Variants in MAPK10 observed in about 807,000 individuals in gnomAD.
The protein encoded by MAPK10 is JNK3 alpha protein kinase.
Under a neutral mutation model 59.3 loss-of-function variants are expected in MAPK10, and 25 were observed. That is an observed-to-expected ratio of 0.42 (90% CI 0.31 to 0.59). MAPK10 has a LOEUF of 0.59. Among genes scored for constraint, MAPK10 ranks in the 20% least tolerant of loss-of-function variants. The pLI, the probability that MAPK10 is intolerant of heterozygous loss-of-function variation, is 0.15. For synonymous variants in MAPK10, 190 were observed against 200.5 expected, an observed-to-expected ratio of 0.95 and a Z score of 0.44; for missense variants, 351 against 568.9, an observed-to-expected ratio of 0.62 and a Z score of 3.90.
intron 1 of MAPK10, chr4:86,429,635 T>C (rs2149039712): frequency 6.6e-6 from 1 of 151,966 alleles, no homozygotes. Context: ...AAACCCCACC[T>C]CTACAAAAAA....
At chr4:86,032,358 T>G (rs1578841999) in intron 11 of MAPK10, 1 of 150,264 alleles carries the variant, frequency 6.7e-6, no homozygotes, top group Admixed American at 6.6e-5. Context: ...AAAAAAAGGC[T>G]CTTGGAAAAA....
Position 86,012,934 on chromosome 4 carries a change from T to C in MAPK10, c.*4294A>G, listed in dbSNP as rs1741816144. ...ATTGGTAATAGTCTTTGGAGTCCAA[T>C]CATGCAGAAAAACAGGCAGGTGCAA... On this transcript the variant is annotated 3_prime_UTR_variant, in exon 14 of 14. Coordinates refer to ENST00000641462, the MANE Select transcript of MAPK10 (RefSeq NM_138982.4). 2.0e-5 allele frequency: 3 copies of C among 152,276 alleles called. No individual in the cohort carries two copies. The South Asian group carries it at 6.2e-4, about 32-fold the overall frequency. The allele number at this position is 152,276 out of a possible 1,614,324, so 9.4% of individuals were successfully genotyped here. A position where few individuals can be genotyped will look rare whatever the true frequency, so the allele number is the denominator to read the frequency against.
chr4:86,353,894 A>G (rs1024247189), intron 2 of MAPK10, among the ~76,000 whole-genome samples: 2 of 152,192 alleles, frequency 1.3e-5, no homozygotes, highest in African/African-American at 2.4e-5. Flanking sequence ...ACTATGAAGC[A>G]TCAAGTATTT....
intron 4 of MAPK10, among the ~76,000 whole-genome samples, chr4:86,116,149 T>C (rs1561896993): frequency 1.3e-5 from 2 of 152,148 alleles, no homozygotes; most frequent in Admixed American, 6.5e-5. Context: ...AGAATGGCAA[T>C]CAGTCATGAA....
chr4:86,148,549 T>C (rs2065573271), intron 4 of MAPK10, among the ~76,000 whole-genome samples: 1 of 152,002 alleles, frequency 6.6e-6, no homozygotes. Flanking sequence ...CAGCGGGGTA[T>C]GATGAAGACC....
intron 3 of MAPK10, among the ~76,000 whole-genome samples, chr4:86,174,175 T>A (rs1398589540): frequency 2.0e-5 from 3 of 152,132 alleles, no homozygotes; most frequent in Non-Finnish European, 4.4e-5. Context: ...TGCACACATA[T>A]GTTTATTGCA....
At chr4:86,025,783 C>A (rs1749850624) in intron 13 of MAPK10, among the ~76,000 whole-genome samples, 1 of 152,094 alleles carries the variant, frequency 6.6e-6, no homozygotes, top group Non-Finnish European at 1.5e-5. Context: ...GAAAATTTCT[C>A]AGCTACAAGT....
chr4:86,315,997 C>T (rs2095779277), intron 2 of MAPK10, among the ~76,000 whole-genome samples: 3 of 152,106 alleles, frequency 2.0e-5, no homozygotes. Context: ...ATCTCTATAC[C>T]TATTCTTAAA....
At chr4:86,354,933 C>T (rs971161895) in intron 1 of MAPK10, among the ~76,000 whole-genome samples, 23 of 152,048 alleles carry the variant, frequency 1.5e-4, no homozygotes, top group African/African-American at 4.8e-4. Context: ...TTTTCTAATA[C>T]AAGGCACCCC....
intron 13 of MAPK10, among the ~76,000 whole-genome samples, chr4:86,021,974 C>T (rs1747316895): frequency 6.6e-6 from 1 of 152,242 alleles, no homozygotes; most frequent in African/African-American, 2.4e-5. Flanking sequence ...GGCCCGGGTT[C>T]CCGCTCGTGC....
At chr4:86,511,213 G>T (rs1412040565) in intron 1 of MAPK10, among the ~76,000 whole-genome samples, 1 of 152,092 alleles carries the variant, frequency 6.6e-6, no homozygotes, top group Admixed American at 6.6e-5. Flanking sequence ...GCTGGGTGTG[G>T]TGGCTCATGC....
At chr4:86,162,482 G>C (rs1276959854) in intron 3 of MAPK10, among the ~76,000 whole-genome samples, 1 of 152,024 alleles carries the variant, frequency 6.6e-6, no homozygotes, top group Non-Finnish European at 1.5e-5. Context: ...TGTCTTTGCA[G>C]AAACATTTTT....
chr4:86,424,068 T>G (rs1370558124), intron 1 of MAPK10, among the ~76,000 whole-genome samples: 2 of 152,130 alleles, frequency 1.3e-5, no homozygotes, highest in Non-Finnish European at 2.9e-5. Context: ...CTAAGGTGTT[T>G]TAGTCCATGG....
chr4:86,165,394 TAG>T (rs1471126666), intron 3 of MAPK10, among the ~76,000 whole-genome samples: 1 of 152,044 alleles, frequency 6.6e-6, no homozygotes, highest in African/African-American at 2.4e-5. Flanking sequence ...TGTTTCCTTT[TAG>T]AAACAGGGTC....
intron 1 of MAPK10, among the ~76,000 whole-genome samples, chr4:86,403,532 C>A (rs373743499): frequency 5.3e-5 from 8 of 151,866 alleles, no homozygotes; most frequent in East Asian, 1.9e-4. Flanking sequence ...CACACACACA[C>A]AAAAAACAAC....
intron 1 of MAPK10, among the ~76,000 whole-genome samples, chr4:86,575,294 T>C (rs971531856): frequency 2.0e-5 from 3 of 152,176 alleles, no homozygotes; most frequent in African/African-American, 7.2e-5. Context: ...TCAGCCTCCA[T>C]AATCATGTCA....
At chr4:86,096,309 G>T (rs752036218) in intron 9 of MAPK10, among the ~76,000 whole-genome samples, 1 of 151,734 alleles carries the variant, frequency 6.6e-6, no homozygotes, top group Non-Finnish European at 1.5e-5. Flanking sequence ...ACCTCCAAGA[G>T]AAAAATTTTT....
At chr4:86,296,617 A>T (rs2095367024) in intron 2 of MAPK10, among the ~76,000 whole-genome samples, 1 of 152,190 alleles carries the variant, frequency 6.6e-6, no homozygotes, top group South Asian at 2.1e-4. Context: ...TGTAAATATA[A>T]TGTTCTTTGC....
At chr4:86,468,032 A>C (rs190412148) in intron 1 of MAPK10, among the ~76,000 whole-genome samples, 1 of 152,346 alleles carries the variant, frequency 6.6e-6, no homozygotes, top group African/African-American at 2.4e-5. Flanking sequence ...CGGCCAGAAC[A>C]AAATGCTTGC....
Sources: gnomAD v4.1 joint callset for allele counts (sites outside exome capture counted in the v4.1 genomes callset) on GRCh38, gnomAD v4.1.1 for gene constraint, MANE v1.5 for transcripts, NCBI Gene and HGNC (gene_info 2026-07-23, HGNC 2026-07-21) for gene names.